Variants in LZTS1 observed in about 807,000 individuals in gnomAD.
LZTS1 encodes leucine zipper putative tumor suppressor 1.
A neutral mutation model predicts 45.8 loss-of-function variants in LZTS1; 31 were observed. The ratio of observed to expected loss-of-function variants is 0.68; its 90% confidence interval spans 0.51 to 0.91. The LOEUF (loss-of-function observed/expected upper bound fraction) is 0.91, where lower values mean the gene tolerates loss of function less well. Among genes scored for constraint, LZTS1 ranks in the 40% least tolerant of loss-of-function variants. The pLI is 0.00. For synonymous variants in LZTS1, 359 were observed against 357.3 expected, an observed-to-expected ratio of 1.00 and a Z score of -0.05; for missense variants, 821 against 788.9, an observed-to-expected ratio of 1.04 and a Z score of -0.49.
intron 1 of LZTS1, among the ~76,000 whole-genome samples, chr8:20,281,035 T>C (rs1800681785): frequency 6.6e-6 from 1 of 152,216 alleles, no homozygotes; most frequent in African/African-American, 2.4e-5. Context: ...ACAGTTGTTC[T>C]CCCTGAGCTA....
intron 1 of LZTS1, among the ~76,000 whole-genome samples, chr8:20,273,159 CTCTT>C (rs975294749): frequency 2.0e-5 from 3 of 152,164 alleles, no homozygotes; most frequent in Non-Finnish European, 2.9e-5. Context: ...GCGGCTCTGT[CTCTT>C]TCTTTTTCGG....
At chr8:20,262,103 T>TC (rs1158151502) in intron 1 of LZTS1, among the ~76,000 whole-genome samples, 136 of 151,204 alleles carry the variant, frequency 9.0e-4, no homozygotes, top group Middle Eastern at 3.4e-3. Context: ...CCCCATCCAT[T>TC]CCCCCCCAGA....
At chr8:20,251,097 TAA>T (rs1799884053) in intron 3 of LZTS1, among the ~76,000 whole-genome samples, 2 of 32,618 alleles carry the variant, frequency 6.1e-5, no homozygotes, top group Non-Finnish European at 1.2e-4. Context: ...GCCTGAGGGC[TAA>T]TATATATATA....
chr8:20,285,256 A>C (rs1031273861), intron 1 of LZTS1, among the ~76,000 whole-genome samples: 12 of 152,058 alleles, frequency 7.9e-5, no homozygotes, highest in African/African-American at 2.9e-4. Context: ...ATCAACTTCC[A>C]CACCCTGATG....
intron 1 of LZTS1, among the ~76,000 whole-genome samples, chr8:20,300,536 G>A (rs1485091931): frequency 1.3e-5 from 2 of 152,108 alleles, no homozygotes; most frequent in Non-Finnish European, 1.5e-5. Context: ...GTTTCACCGT[G>A]TTAGCCAGGA....
intron 1 of LZTS1, among the ~76,000 whole-genome samples, chr8:20,296,051 G>T (rs565631230): frequency 6.6e-6 from 1 of 152,334 alleles, no homozygotes; most frequent in South Asian, 2.1e-4. Context: ...AATGCTGCCA[G>T]CGAATAATGA....
chr8:20,254,756 T>C (rs566248825), intron 2 of LZTS1, 81 bp downstream of exon 2: 636 of 1,204,870 alleles, frequency 5.3e-4, no homozygotes, highest in Non-Finnish European at 6.6e-4. Context: ...CCACTCCCCC[T>C]GAACCCCCAG....
At chr8:20,254,636 T>C (rs1043399752) in intron 2 of LZTS1, among the ~76,000 whole-genome samples, 1 of 152,224 alleles carries the variant, frequency 6.6e-6, no homozygotes, top group Non-Finnish European at 1.5e-5. Flanking sequence ...TCAGGGGGAC[T>C]GAGCGATGCT....
At chr8:20,261,504 C>T (rs1800228331) in intron 1 of LZTS1, among the ~76,000 whole-genome samples, 1 of 152,178 alleles carries the variant, frequency 6.6e-6, no homozygotes, top group Admixed American at 6.5e-5. Context: ...TTTTGAGCGG[C>T]TTCTACTCAA....
chr8:20,280,474 C>G (rs1388330778), intron 1 of LZTS1, among the ~76,000 whole-genome samples: 2 of 152,162 alleles, frequency 1.3e-5, no homozygotes, highest in Non-Finnish European at 2.9e-5. Context: ...CATTGACATT[C>G]ATGGGGATAA....
intron 1 of LZTS1, among the ~76,000 whole-genome samples, chr8:20,291,318 AC>A (rs1800897947): frequency 6.6e-6 from 1 of 151,676 alleles, no homozygotes; most frequent in African/African-American, 2.4e-5. Context: ...TCCCTCCCTG[AC>A]CCCCTGGACA....
rs147238708 is a variant in LZTS1 at position 20,282,509 on chromosome 8, T to C, written c.-135+21231A>G. 2.7e-3 allele frequency among the ~76,000 whole-genome samples: 407 copies of C among 152,374 alleles called. 1 individual carries two copies. Among genetic ancestry groups the C allele is most frequent in the African/African-American group, 9.4e-3 (389 of 41,594 alleles). ...GGTCAAACAGATGAGGACTGTAACG[T>C]AGCTCCTTCTTGACTAGCTGTAAGA... On this transcript the variant is annotated intron_variant, in intron 1 of 3. Coordinates refer to ENST00000381569, the MANE Select transcript of LZTS1 (RefSeq NM_021020.5).
chr8:20,264,175 A>G (rs1800302268), intron 1 of LZTS1, among the ~76,000 whole-genome samples: 1 of 152,098 alleles, frequency 6.6e-6, no homozygotes, highest in Non-Finnish European at 1.5e-5. Flanking sequence ...TGCAACCTTA[A>G]TTGTTTTATT....
rs1563851104 is a variant in LZTS1 at position 20,251,150 on chromosome 8, A to ATATATATATATATATAT, written c.1150-788_1150-787insATATATATATATATATA. 2.5e-4 allele frequency among the ~76,000 whole-genome samples: 20 copies of ATATATATATATATATAT among 78,978 alleles called. 5 individuals are homozygous for ATATATATATATATATAT. The highest frequency in any genetic ancestry group is 5.1e-4 in the Non-Finnish European group (19 of 36,898). The allele number at this position is 78,978 out of a possible 152,430, so 51.8% of individuals were successfully genotyped here. ...ATATATATATATATATATATATATA[A>ATATATATATATATATAT]AATATAAAGTATAAGAGTAGAGATT... On this transcript the variant is annotated intron_variant, in intron 3 of 3. Transcript: ENST00000381569.
chr8:20,286,824 A>G lies in LZTS1; in HGVS notation c.-135+16916T>C, dbSNP rs184424166. On this transcript the variant is annotated intron_variant, in intron 1 of 3. Transcript: ENST00000381569. ...GGGCACGAATGACAGCACTGCTGCT[A>G]CAATCACAACATGGACCAGTTTCAC... Among the ~76,000 whole-genome samples the G allele has an allele frequency of 3.9e-5, 6 of 152,370 alleles. No homozygotes were observed. In the South Asian group the frequency reaches 1.0e-3, roughly 26 times the overall value.
chr8:20,278,659 G>A lies in LZTS1; in HGVS notation c.-134-23344C>T, dbSNP rs533942208. On this transcript the variant is annotated intron_variant, in intron 1 of 3. Transcript: ENST00000381569. ...TTCTTTCTCTGAGGAGGCAAGAACT[G>A]GGGTTGCTGCAGGCCTGTATGGATT... Among the ~76,000 whole-genome samples, 6 of 152,294 alleles carry A rather than the reference G, an allele frequency of 3.9e-5. No individual in the cohort carries two copies. In the East Asian group the frequency reaches 1.2e-3, roughly 29 times the overall value.
In LZTS1 at chr8:20,270,048, AG is replaced by A. The variant is rs1800441183; in HGVS notation, c.-134-14734del. Reference sequence around the variant, plus strand: ...CCATCTATGCCTGAGGCCCTTCCTGAGTGGGCAAGACCAGGCGTCCCAGGCA... The same window carrying A: ...CCATCTATGCCTGAGGCCCTTCCTGATGGGCAAGACCAGGCGTCCCAGGCA... On this transcript the variant is annotated intron_variant, in intron 1 of 3. Transcript: ENST00000381569. Among the ~76,000 whole-genome samples the A allele has an allele frequency of 5.3e-5, 8 of 152,336 alleles. No individual in the cohort carries two copies. The South Asian group carries it at 1.7e-3, about 32-fold the overall frequency.
chr8:20,253,637 C>T (rs1370398930), intron 2 of LZTS1, 52 bp from the exon 3 acceptor site: 7 of 1,362,958 alleles, frequency 5.1e-6, no homozygotes, highest in Non-Finnish European at 6.8e-6. Context: ...GCGCGCATTG[C>T]ACCCTCCCTC....
intron 1 of LZTS1, among the ~76,000 whole-genome samples, chr8:20,280,174 G>A (rs769044426): frequency 1.3e-5 from 2 of 152,070 alleles, no homozygotes; most frequent in East Asian, 1.9e-4. Context: ...GATTTCCCTC[G>A]TTTTCTCAGT....
Sources: allele counts gnomAD v4.1 joint callset (sites outside exome capture counted in the v4.1 genomes callset), GRCh38; gene constraint gnomAD v4.1.1; transcripts MANE v1.5; gene names NCBI Gene and HGNC (gene_info 2026-07-23, HGNC 2026-07-21).